Variants in ZNF536 observed in about 807,000 individuals in gnomAD.
The protein encoded by ZNF536 is zinc finger protein 536.
Under a neutral mutation model 84.5 loss-of-function variants are expected in ZNF536, and 13 were observed. The ratio of observed to expected loss-of-function variants is 0.15; its 90% CI spans 0.10 to 0.24. The LOEUF (loss-of-function observed/expected upper bound fraction) is 0.24. Ranked by LOEUF, ZNF536 falls within the 10% of genes least tolerant of loss-of-function variation. ZNF536 has a pLI of 1.00. For missense variants in ZNF536, 1,536 were observed against 1,747.5 expected, an observed-to-expected ratio of 0.88 and a Z score of 2.16; for synonymous variants, 811 against 742.5, an observed-to-expected ratio of 1.09 and a Z score of -1.50.
At chr19:30,386,095 T>C (rs1474242512) in intron 1 of ZNF536, among the ~76,000 whole-genome samples, 1 of 152,130 alleles carries the variant, frequency 6.6e-6, no homozygotes, top group East Asian at 1.9e-4. Flanking sequence ...CATCCCACCT[T>C]CCCAGCTTCA....
chr19:30,649,409 T>G (rs796500157), intron 1 of ZNF536, among the ~76,000 whole-genome samples: 6 of 152,316 alleles, frequency 3.9e-5, no homozygotes, highest in African/African-American at 1.4e-4. Flanking sequence ...ATGTGTAAAC[T>G]GATACGCTTT....
At chr19:30,430,042 A>AG (rs946152984) in intron 1 of ZNF536, among the ~76,000 whole-genome samples, 2 of 121,180 alleles carry the variant, frequency 1.7e-5, no homozygotes, top group Non-Finnish European at 3.4e-5. Context: ...GAGGGTGTGA[A>AG]GGGTGGGGGA....
intron 1 of ZNF536, among the ~76,000 whole-genome samples, chr19:30,644,384 A>G (rs1332355369): frequency 6.6e-6 from 1 of 151,906 alleles, no homozygotes; most frequent in Non-Finnish European, 1.5e-5. Context: ...TTTTAATTAT[A>G]CTTTAAGTTT....
Position 30,687,274 on chromosome 19 carries a change from A to G in ZNF536, c.170-23483A>G, listed in dbSNP as rs561787766. On this transcript the variant is annotated intron_variant, in intron 1 of 1. Transcript: ENST00000592773. The stretch of plus-strand genomic sequence containing the variant: ...TGTGAAACAAAATTTAATTAAAATT[A>G]AATAAATTGCAGATTTGCTACATTC... 2.6e-5 allele frequency among the ~76,000 whole-genome samples: 4 copies of G among 152,354 alleles called. No homozygotes were observed. The South Asian group carries it at 8.3e-4, about 32-fold the overall frequency.
intron 1 of ZNF536, among the ~76,000 whole-genome samples, chr19:30,619,974 C>CTT (rs2048423822): frequency 6.6e-6 from 1 of 150,828 alleles, no homozygotes; most frequent in Admixed American, 6.6e-5. Context: ...TTTGTTGTAT[C>CTT]TTACTTAAAG....
intron 1 of ZNF536, among the ~76,000 whole-genome samples, chr19:30,599,846 C>T (rs190873710): frequency 3.3e-5 from 5 of 152,188 alleles, no homozygotes; most frequent in Admixed American, 6.5e-5. Flanking sequence ...TGTGGCCTCA[C>T]AGGATTTTCA....
chr19:30,581,839 C>A (rs1026301573), intron 1 of ZNF536, among the ~76,000 whole-genome samples: 1 of 152,100 alleles, frequency 6.6e-6, no homozygotes, highest in African/African-American at 2.4e-5. Context: ...GAAGCTGAGG[C>A]AGGAGAATTG....
chr19:30,404,768 C>T (rs977400934), intron 1 of ZNF536, among the ~76,000 whole-genome samples: 4 of 152,106 alleles, frequency 2.6e-5, no homozygotes, highest in African/African-American at 9.7e-5. Context: ...GCAGTGGACA[C>T]CAGCTGGGTG....
At chr19:30,672,932 A>G (rs1393194843) in intron 1 of ZNF536, among the ~76,000 whole-genome samples, 1 of 152,202 alleles carries the variant, frequency 6.6e-6, no homozygotes, top group Admixed American at 6.5e-5. Context: ...TTTATAAGCC[A>G]GCCCCTATCC....
chr19:30,503,895 T>C (rs2055050072), intron 2 of ZNF536, among the ~76,000 whole-genome samples: 1 of 124,138 alleles, frequency 8.1e-6, no homozygotes, highest in South Asian at 2.2e-4. Flanking sequence ...TTGGGGTTTG[T>C]CTTTCTTTCT....
intron 4 of ZNF536, among the ~76,000 whole-genome samples, chr19:30,550,842 G>C (rs1459692433): frequency 6.6e-6 from 1 of 152,138 alleles, no homozygotes; most frequent in East Asian, 1.9e-4. Context: ...ATCACTAAAT[G>C]GATTTCTGAC....
chr19:30,573,035 G>A (rs1599851339), intron 1 of ZNF536, among the ~76,000 whole-genome samples: 1 of 152,150 alleles, frequency 6.6e-6, no homozygotes, highest in African/African-American at 2.4e-5. Context: ...AGAAATCTGA[G>A]GGGGGCACAT....
chr19:30,584,334 C>T (rs1245956809), intron 1 of ZNF536, among the ~76,000 whole-genome samples: 1 of 152,128 alleles, frequency 6.6e-6, no homozygotes, highest in Non-Finnish European at 1.5e-5. Flanking sequence ...CTTTCAAATC[C>T]CCCAGCAGCG....
intron 2 of ZNF536, among the ~76,000 whole-genome samples, chr19:30,510,633 G>A (rs78982987): frequency 0.046 from 6,974 of 152,284 alleles, 445 homozygotes; most frequent in African/African-American, 0.15. Context: ...CCTCGATGTA[G>A]AGTGTTGGCC....
intron 1 of ZNF536, among the ~76,000 whole-genome samples, chr19:30,427,567 G>T (rs563360194): frequency 9.5e-4 from 145 of 152,172 alleles, no homozygotes; most frequent in African/African-American, 3.3e-3. Flanking sequence ...TATCTCAGCC[G>T]GTTGGCTTTC....
At chr19:30,323,602 G>C (rs185657961) in intron 2 of ZNF536, among the ~76,000 whole-genome samples, 2 of 152,276 alleles carry the variant, frequency 1.3e-5, no homozygotes, top group East Asian at 3.9e-4. Context: ...GTTGCTTCAT[G>C]ATGAATCAGA....
intron 1 of ZNF536, among the ~76,000 whole-genome samples, chr19:30,599,997 A>G (rs1006171332): frequency 5.4e-5 from 8 of 148,906 alleles, no homozygotes; most frequent in African/African-American, 1.7e-4. Context: ...TGGGGGAAAA[A>G]GTGGTGATTC....
At chr19:30,683,186 A>G (rs935827432) in intron 1 of ZNF536, among the ~76,000 whole-genome samples, 3 of 152,178 alleles carry the variant, frequency 2.0e-5, no homozygotes, top group African/African-American at 7.2e-5. Flanking sequence ...CAGGGTTGAA[A>G]GCCGGGTCTC....
In ZNF536 at chr19:30,228,549, C is replaced by G. The variant is rs2022757061; in HGVS notation, c.-314C>G. ...TAGCGGCGTCAGATCCATCCCGCGC[C>G]TCCCAGTCCGGAGTCCATTTGCATA... On this transcript the variant is annotated 5_prime_UTR_variant, in exon 1 of 6. Coordinates refer to the ZNF536 transcript ENST00000585628. The surrounding 1 kb of genome is among the most constrained non-coding windows in gnomAD (Gnocchi z 4.5). 1 of 152,146 alleles carries G rather than the reference C, an allele frequency of 6.6e-6. No individual in the cohort carries two copies. Among genetic ancestry groups the G allele is most frequent in the Admixed American group, 6.5e-5 (1 of 15,276 alleles). 9.4% of individuals were successfully genotyped at this position (152,146 alleles called of 1,614,324 possible). A position where few individuals can be genotyped will look rare whatever the true frequency, so the allele number is the denominator to read the frequency against.
Sources: gnomAD v4.1 joint callset for allele counts (sites outside exome capture counted in the v4.1 genomes callset) on GRCh38, gnomAD v4.1.1 for gene constraint, Gnocchi (gnomAD v3.1) non-coding constraint, MANE v1.5 for transcripts, NCBI Gene and HGNC (gene_info 2026-07-23, HGNC 2026-07-21) for gene names.